MYO18B: variants seen among roughly 807,000 people sequenced by gnomAD.
MYO18B encodes the protein unconventional myosin-XVIIIb.
Under a neutral mutation model 273.0 loss-of-function variants are expected in MYO18B, and 204 were observed. That is an observed-to-expected ratio of 0.75 (90% confidence interval 0.67 to 0.84). The LOEUF (loss-of-function observed/expected upper bound fraction) is 0.84, where lower values mean the gene tolerates loss of function less well. MYO18B is among the 40% of genes least tolerant of loss of function. MYO18B has a pLI of 0.00. For missense variants in MYO18B, 3,212 were observed against 3,287.6 expected, an observed-to-expected ratio of 0.98 and a Z score of 0.56; for synonymous variants, 1,330 against 1,305.7, an observed-to-expected ratio of 1.02 and a Z score of -0.40.
At chr22:25,971,454 G>A (rs1017037794) in intron 39 of MYO18B, among the ~76,000 whole-genome samples, 6 of 152,206 alleles carry the variant, frequency 3.9e-5, no homozygotes, top group African/African-American at 9.6e-5. Flanking sequence ...GTACTCACCC[G>A]CTGACCCCAG....
chr22:25,771,113 T>C (rs2086704126), intron 6 of MYO18B, 129 bp downstream of exon 6: 3 of 702,264 alleles, frequency 4.3e-6, no homozygotes. Flanking sequence ...TTTGGCTTGA[T>C]GCCCTGGAGG....
At chr22:25,814,258 A>G (rs532506858) in intron 12 of MYO18B, among the ~76,000 whole-genome samples, 15 of 137,130 alleles carry the variant, frequency 1.1e-4, no homozygotes, top group African/African-American at 4.1e-4. Context: ...AGTAGCTCAC[A>G]TTTAATCAGT....
chr22:25,804,941 G>C (rs1009650488), intron 12 of MYO18B, among the ~76,000 whole-genome samples: 8 of 152,212 alleles, frequency 5.3e-5, no homozygotes, highest in Non-Finnish European at 1.2e-4. Context: ...TGCGCAAAAG[G>C]TGTGGTGGGC....
chr22:25,926,396 T>G (rs1171638474), intron 34 of MYO18B, among the ~76,000 whole-genome samples: 1 of 151,844 alleles, frequency 6.6e-6, no homozygotes, highest in Non-Finnish European at 1.5e-5. Flanking sequence ...GTGATTCTCC[T>G]GTCTCAGCCT....
chr22:26,043,251 C>T, the MYO18B span, among the ~76,000 whole-genome samples: 5 of 151,978 alleles, frequency 3.3e-5, no homozygotes, highest in African/African-American at 9.7e-5. Context: ...TTTTTTATTG[C>T]TGAGTAATAT....
chr22:25,835,748 T>C lies in MYO18B; in HGVS notation c.3208+305T>C, dbSNP rs1601841471. Among the ~76,000 whole-genome samples, 2 of 152,340 alleles carry C rather than the reference T, an allele frequency of 1.3e-5. 1 individual carries two copies. The highest frequency in any genetic ancestry group is 4.1e-4 in the South Asian group (2 of 4,828). On this transcript the variant is annotated intron_variant, in intron 17 of 43. Coordinates refer to ENST00000335473, the MANE Select transcript of MYO18B (RefSeq NM_032608.7). The stretch of plus-strand genomic sequence containing the variant: ...GCACAGTGAGCCTGCAACTGCACTC[T>C]AATGGGGCGCATCAGGGCGTTTCTC...
intron 21 of MYO18B, among the ~76,000 whole-genome samples, chr22:25,864,992 T>C (rs575136002): frequency 7.2e-5 from 11 of 152,358 alleles, no homozygotes; most frequent in South Asian, 4.1e-4. Flanking sequence ...TGTTGGACAA[T>C]GATTATGTTA....
chr22:25,861,767 AC>A lies in MYO18B; in HGVS notation c.3886-6552del, dbSNP rs763975417. 3.3e-3 allele frequency among the ~76,000 whole-genome samples: 496 copies of A among 152,214 alleles called. 2 individuals carry two copies. The highest frequency in any genetic ancestry group is 5.4e-3 in the Non-Finnish European group (364 of 67,990). On this transcript the variant is annotated intron_variant, in intron 21 of 43. Transcript: ENST00000335473. ...AGGTATTTTCCAAGGGGCCATTTGA[AC>A]ACCCCTTCTAGTGATTGTTCTACGG... is the stretch of plus-strand genomic sequence containing the variant.
intron 40 of MYO18B, among the ~76,000 whole-genome samples, chr22:25,999,512 TTC>T (rs1289312735): frequency 6.9e-6 from 1 of 145,830 alleles, no homozygotes; most frequent in African/African-American, 2.6e-5. Context: ...CAAGTTCTTC[TTC>T]TCTCTCCCCC....
intron 43 of MYO18B, among the ~76,000 whole-genome samples, chr22:26,029,194 A>G (rs984439723): frequency 2.0e-5 from 3 of 152,120 alleles, no homozygotes; most frequent in Non-Finnish European, 2.9e-5. Context: ...GCCTTCGTAA[A>G]TCTCCCAGTC....
intron 34 of MYO18B, among the ~76,000 whole-genome samples, chr22:25,930,494 G>A (rs2092482964): frequency 6.6e-6 from 1 of 150,820 alleles, no homozygotes; most frequent in Non-Finnish European, 1.5e-5. Context: ...CTGTCTCGGG[G>A]CTATTACATC....
At chr22:26,032,990 AGAAT>A (rs753517278), downstream of MYO18B, among the ~76,000 whole-genome samples, 54 of 152,232 alleles carry the variant, frequency 3.5e-4, no homozygotes, top group Non-Finnish European at 6.3e-4. Context: ...ATTTTCATAC[AGAAT>A]GAATATTATT....
intron 21 of MYO18B, among the ~76,000 whole-genome samples, chr22:25,861,685 G>A (rs995592328): frequency 6.6e-6 from 1 of 152,116 alleles, no homozygotes; most frequent in Admixed American, 6.6e-5. Context: ...TTTTCTGTAT[G>A]GGCTTCACGC....
At chr22:25,864,451 A>G (rs574454951) in intron 21 of MYO18B, among the ~76,000 whole-genome samples, 1 of 152,222 alleles carries the variant, frequency 6.6e-6, no homozygotes, top group Non-Finnish European at 1.5e-5. Flanking sequence ...AATCTCCACT[A>G]CATCCTTGTG....
intron 13 of MYO18B, among the ~76,000 whole-genome samples, chr22:25,823,999 G>A (rs1316751171): frequency 6.6e-6 from 1 of 152,174 alleles, no homozygotes; most frequent in Non-Finnish European, 1.5e-5. Context: ...CACCTACTAA[G>A]TAGGGGAAAG....
intron 15 of MYO18B, among the ~76,000 whole-genome samples, chr22:25,831,485 C>T (rs150665792): frequency 3.3e-5 from 5 of 152,250 alleles, no homozygotes; most frequent in African/African-American, 7.2e-5. Context: ...CGGGTTCAAG[C>T]GATTCTCTTG....
chr22:25,955,390 C>T (rs1308450606), intron 39 of MYO18B, 26 bp downstream of exon 39: 24 of 1,588,238 alleles, frequency 1.5e-5, no homozygotes, highest in Non-Finnish European at 2.1e-5. Flanking sequence ...ATCATGGGCT[C>T]TTAGCGACTG....
At chr22:25,908,770 A>T (rs2092099068) in intron 32 of MYO18B, among the ~76,000 whole-genome samples, 1 of 152,246 alleles carries the variant, frequency 6.6e-6, no homozygotes, top group African/African-American at 2.4e-5. Context: ...TTACAAGTCA[A>T]ATCATTTCTT....
At chr22:25,808,409 A>G (rs1165172341) in intron 12 of MYO18B, among the ~76,000 whole-genome samples, 1 of 152,160 alleles carries the variant, frequency 6.6e-6, no homozygotes, top group African/African-American at 2.4e-5. Context: ...GCTGAGTCTC[A>G]GGATCTTGCA....
Sources: gnomAD v4.1 joint callset for allele counts (sites outside exome capture counted in the v4.1 genomes callset) on GRCh38, gnomAD v4.1.1 for gene constraint, MANE v1.5 for transcripts, NCBI Gene and HGNC (gene_info 2026-07-23, HGNC 2026-07-21) for gene names.